The following PPARGC1A variants were observed in gnomAD, a reference collection of about 807,000 sequenced individuals.
The protein encoded by PPARGC1A is PPARG coactivator 1 alpha.
A neutral mutation model predicts 88.7 loss-of-function variants in PPARGC1A; 25 were observed. The observed-to-expected ratio is 0.28, with a 90% CI of 0.21 to 0.39. The LOEUF (loss-of-function observed/expected upper bound fraction) is 0.39. Ranked by LOEUF, PPARGC1A falls within the 10% of genes least tolerant of loss-of-function variation. The pLI is 1.00. For missense variants in PPARGC1A, 880 were observed against 968.7 expected (o/e 0.91, Z 1.22); for synonymous variants, 363 against 355.6 (o/e 1.02, Z -0.24).
the PPARGC1A span, among the ~76,000 whole-genome samples, chr4:24,128,310 C>T: frequency 2.6e-4 from 40 of 152,244 alleles, 2 homozygotes; most frequent in African/African-American, 8.9e-4. Flanking sequence ...ATATCTTATA[C>T]GGAGTGTTGT....
At position 23,792,229 on chromosome 4, in the gene PPARGC1A, C is replaced by T. The variant is rs1716768195; in HGVS notation, c.*3593G>A. ...TTCAACCAACAGTATTACACTTTCA[C>T]CTACAAATCTTAAAGTAGCTCCATC... is the stretch of plus-strand genomic sequence containing the variant. On this transcript the variant is annotated 3_prime_UTR_variant, in exon 13 of 13. Coordinates refer to ENST00000264867, the MANE Select transcript of PPARGC1A (RefSeq NM_013261.5). The T allele has an allele frequency of 1.3e-5, 2 of 152,582 alleles. No individual in the cohort carries two copies. The highest frequency in any genetic ancestry group is 4.8e-5 in the African/African-American group (2 of 41,442). The allele number at this position is 152,582 out of a possible 1,614,324, so 9.5% of individuals were successfully genotyped here.
the PPARGC1A span, among the ~76,000 whole-genome samples, chr4:24,289,145 G>A: frequency 9.3e-5 from 14 of 150,674 alleles, no homozygotes; most frequent in African/African-American, 2.5e-4. Flanking sequence ...GCTTGAACCC[G>A]GGAGGCGGAG....
chr4:24,374,406 G>A, the PPARGC1A span, among the ~76,000 whole-genome samples: 1 of 152,090 alleles, frequency 6.6e-6, no homozygotes, highest in Admixed American at 6.6e-5. Flanking sequence ...GTCTATCAGA[G>A]GGTGGGGGTG....
At chr4:24,062,645 T>C in the PPARGC1A span, among the ~76,000 whole-genome samples, 1 of 152,184 alleles carries the variant, frequency 6.6e-6, no homozygotes, top group Non-Finnish European at 1.5e-5. Flanking sequence ...ACACAGCCCA[T>C]GGTTCTTCGT....
At chr4:24,317,068 A>T in the PPARGC1A span, among the ~76,000 whole-genome samples, 3 of 152,298 alleles carry the variant, frequency 2.0e-5, 1 homozygote, top group African/African-American at 7.2e-5. Flanking sequence ...CTATCAGGTA[A>T]GTAATATTAT....
chr4:24,248,488 GA>G, the PPARGC1A span, among the ~76,000 whole-genome samples: 5 of 147,206 alleles, frequency 3.4e-5, no homozygotes, highest in African/African-American at 7.5e-5. Flanking sequence ...ACCACCTCTG[GA>G]AAAAAAAAAG....
chr4:24,215,353 C>G, the PPARGC1A span, among the ~76,000 whole-genome samples: 1 of 152,154 alleles, frequency 6.6e-6, no homozygotes, highest in Non-Finnish European at 1.5e-5. Flanking sequence ...CTTAGGAAGA[C>G]CCGAGCTGAC....
At chr4:24,066,444 T>G in the PPARGC1A span, among the ~76,000 whole-genome samples, 2 of 152,206 alleles carry the variant, frequency 1.3e-5, no homozygotes, top group African/African-American at 2.4e-5. Flanking sequence ...CACAAATCTC[T>G]ATTAGCATAA....
chr4:24,377,026 G>A, the PPARGC1A span, among the ~76,000 whole-genome samples: 1 of 152,020 alleles, frequency 6.6e-6, no homozygotes, highest in Non-Finnish European at 1.5e-5. Context: ...TTACTGAACT[G>A]TCATGGACTG....
At chr4:24,009,653 G>T in the PPARGC1A span, among the ~76,000 whole-genome samples, 1 of 152,156 alleles carries the variant, frequency 6.6e-6, no homozygotes, top group Non-Finnish European at 1.5e-5. Context: ...AGGTCTTAAG[G>T]GACAGTTTTG....
chr4:24,305,372 G>A, the PPARGC1A span, among the ~76,000 whole-genome samples: 2 of 152,020 alleles, frequency 1.3e-5, no homozygotes, highest in African/African-American at 4.8e-5. Context: ...TTCACTATCT[G>A]TGTGACTTTG....
chr4:24,213,513 G>T, the PPARGC1A span, among the ~76,000 whole-genome samples: 1 of 152,114 alleles, frequency 6.6e-6, no homozygotes, highest in Admixed American at 6.6e-5. Flanking sequence ...TAACACTTAT[G>T]TAACTCCAGC....
chr4:24,236,142 T>G, the PPARGC1A span, among the ~76,000 whole-genome samples: 1 of 152,172 alleles, frequency 6.6e-6, no homozygotes, highest in Admixed American at 6.5e-5. Context: ...AGCCAACAGT[T>G]TTGAAACTTT....
At chr4:24,009,086 C>A in the PPARGC1A span, among the ~76,000 whole-genome samples, 1 of 141,034 alleles carries the variant, frequency 7.1e-6, no homozygotes, top group African/African-American at 2.8e-5. Context: ...ATTATGGTGG[C>A]ACAAACTCCC....
At chr4:24,332,590 C>T in the PPARGC1A span, among the ~76,000 whole-genome samples, 1 of 152,196 alleles carries the variant, frequency 6.6e-6, no homozygotes, top group Non-Finnish European at 1.5e-5. Flanking sequence ...TGTGCAAGAA[C>T]TCAGAGTACA....
chr4:23,910,196 T>TA, the PPARGC1A span, among the ~76,000 whole-genome samples: 771 of 116,324 alleles, frequency 6.6e-3, 10 homozygotes, highest in African/African-American at 0.024. Flanking sequence ...ATAAAATATA[T>TA]AAAAATTTAT....
chr4:24,436,795 C>T, the PPARGC1A span, among the ~76,000 whole-genome samples: 6 of 142,646 alleles, frequency 4.2e-5, no homozygotes, highest in African/African-American at 1.4e-4. Context: ...ACAGAGCTGA[C>T]ATCGGTTGGC....
chr4:23,822,936 C>G (rs1277285674), intron 7 of PPARGC1A, among the ~76,000 whole-genome samples: 8 of 152,060 alleles, frequency 5.3e-5, no homozygotes, highest in Non-Finnish European at 8.8e-5. Context: ...CTTTCTGGGC[C>G]TACCTTTGTT....
At chr4:24,297,139 T>C in the PPARGC1A span, among the ~76,000 whole-genome samples, 3 of 152,174 alleles carry the variant, frequency 2.0e-5, no homozygotes, top group Non-Finnish European at 4.4e-5. Context: ...GAAGAAAGTG[T>C]TCTGGGTATC....
Sources: gnomAD v4.1 joint callset for allele counts (sites outside exome capture counted in the v4.1 genomes callset) on GRCh38, gnomAD v4.1.1 for gene constraint, MANE v1.5 for transcripts, NCBI Gene and HGNC (gene_info 2026-07-23, HGNC 2026-07-21) for gene names.